Variants in C2CD3 observed in about 807,000 individuals in gnomAD.
C2CD3 encodes the protein C2 domain-containing protein 3.
In C2CD3, 148 loss-of-function variants were observed where a neutral mutation model predicts 234.0. That is an observed-to-expected ratio of 0.63 (90% CI 0.55 to 0.72). The LOEUF is 0.72. Among genes scored for constraint, C2CD3 ranks in the 30% least tolerant of loss-of-function variants. The probability of loss-of-function intolerance (pLI) is 0.00; values close to 1 mark genes in which losing one functional copy is unlikely to be tolerated. For synonymous variants in C2CD3, 1,000 were observed against 1,035.4 expected, an observed-to-expected ratio of 0.97 and a Z score of 0.66; for missense variants, 2,577 against 2,811.5, an observed-to-expected ratio of 0.92 and a Z score of 1.89.
At chr11:74,101,840 C>T (rs1157141391) in intron 14 of C2CD3, among the ~76,000 whole-genome samples, 2 of 151,816 alleles carry the variant, frequency 1.3e-5, no homozygotes, top group Non-Finnish European at 2.9e-5. Flanking sequence ...TGGAGAAGTA[C>T]ATACAGTCAG....
At chr11:74,163,203 CA>C (rs1856586644) in intron 2 of C2CD3, among the ~76,000 whole-genome samples, 1 of 152,260 alleles carries the variant, frequency 6.6e-6, no homozygotes, top group Admixed American at 6.5e-5. Flanking sequence ...CTGCAATATT[CA>C]CAAGCTATTT....
intron 29 of C2CD3, among the ~76,000 whole-genome samples, chr11:74,040,261 C>T (rs1369159370): frequency 6.6e-6 from 1 of 152,152 alleles, no homozygotes; most frequent in African/African-American, 2.4e-5. Flanking sequence ...GGAACAGTTT[C>T]ATCTGGAAAC....
intron 3 of C2CD3, among the ~76,000 whole-genome samples, chr11:74,158,021 A>G (rs1164995351): frequency 6.6e-6 from 1 of 152,254 alleles, no homozygotes; most frequent in African/African-American, 2.4e-5. Context: ...CTCTCATCAT[A>G]CATAAAAATA....
chr11:74,041,907 C>T, intron 29 of C2CD3, 147 bp downstream of exon 29: 1 of 729,812 alleles, frequency 1.4e-6, no homozygotes, highest in Non-Finnish European at 2.2e-6. Flanking sequence ...CTCCAGGGTC[C>T]AACCTGATAC....
intron 26 of C2CD3, among the ~76,000 whole-genome samples, chr11:74,053,922 G>C (rs1953822813): frequency 6.6e-6 from 1 of 151,654 alleles, no homozygotes; most frequent in African/African-American, 2.4e-5. Context: ...TTGAGCCCAG[G>C]AGTTAGAGAT....
chr11:74,097,994 C>A lies in C2CD3; in HGVS notation c.2979+15G>T. ...AATGAAATAATGACTTTTTGTAAACCATAGCGTTTATTACCATAGCAACAG... is the reference window on the plus strand; with the variant it reads ...AATGAAATAATGACTTTTTGTAAACAATAGCGTTTATTACCATAGCAACAG... On this transcript the variant is annotated intron_variant, in intron 16 of 32. Transcript: ENST00000334126. 1 of 1,609,400 alleles carries A rather than the reference C, an allele frequency of 6.2e-7. No individual in the cohort carries two copies. Among genetic ancestry groups the A allele is most frequent in the South Asian group, 1.1e-5 (1 of 90,098 alleles).
chr11:74,043,353 T>C (rs911896060), intron 28 of C2CD3, among the ~76,000 whole-genome samples: 2 of 152,246 alleles, frequency 1.3e-5, no homozygotes, highest in Non-Finnish European at 2.9e-5. Context: ...TAATATTCTG[T>C]TGGATAGATA....
intron 2 of C2CD3, 64 bp from the exon 3 acceptor site, chr11:74,161,620 G>A: frequency 9.0e-7 from 1 of 1,110,292 alleles, no homozygotes; most frequent in Non-Finnish European, 1.3e-6. Flanking sequence ...TTTAAGACGT[G>A]GGTAGAGGGG....
chr11:74,131,388 G>A (rs1369427687), intron 7 of C2CD3, among the ~76,000 whole-genome samples: 1 of 151,478 alleles, frequency 6.6e-6, no homozygotes, highest in Non-Finnish European at 1.5e-5. Flanking sequence ...ATAGATAATG[G>A]TGGATCACAT....
At chr11:74,138,302 C>A (rs111652218) in intron 5 of C2CD3, among the ~76,000 whole-genome samples, 1 of 152,178 alleles carries the variant, frequency 6.6e-6, no homozygotes, top group African/African-American at 2.4e-5. Context: ...GTGTACTGAA[C>A]GTTCTCACTA....
At chr11:74,096,869 G>A (rs1277773284) in intron 16 of C2CD3, among the ~76,000 whole-genome samples, 2 of 152,134 alleles carry the variant, frequency 1.3e-5, no homozygotes, top group East Asian at 3.8e-4. Flanking sequence ...AACTGGCCAG[G>A]TGTGGTGGTT....
At chr11:74,057,711 C>T (rs1341383421) in intron 24 of C2CD3, among the ~76,000 whole-genome samples, 167 bp from the exon 25 acceptor site, 1 of 152,150 alleles carries the variant, frequency 6.6e-6, no homozygotes, top group African/African-American at 2.4e-5. Context: ...TGGCTCAAGC[C>T]TGTAATCCCA....
At chr11:74,129,838 C>T (rs780521911) in intron 7 of C2CD3, 3 of 176,296 alleles carry the variant, frequency 1.7e-5, no homozygotes, top group African/African-American at 5.4e-5. Flanking sequence ...CTCGTGAGGC[C>T]GAGGCTGGCG....
chr11:74,108,521 A>G (rs933634353), intron 12 of C2CD3, among the ~76,000 whole-genome samples: 3 of 152,188 alleles, frequency 2.0e-5, no homozygotes, highest in Non-Finnish European at 4.4e-5. Context: ...ACTCACAACT[A>G]TATTATTTTG....
chr11:74,058,624 C>T (rs1468036336), intron 24 of C2CD3, among the ~76,000 whole-genome samples: 1 of 152,112 alleles, frequency 6.6e-6, no homozygotes, highest in Non-Finnish European at 1.5e-5. Context: ...TATATTGCCT[C>T]TACTATGGGG....
chr11:74,095,708 A>T (rs1183829268), intron 16 of C2CD3, among the ~76,000 whole-genome samples: 2 of 152,198 alleles, frequency 1.3e-5, no homozygotes, highest in Admixed American at 1.3e-4. Context: ...AAAATTCAAC[A>T]TTTGTTCCTG....
At chr11:74,049,716 C>T (rs1953580978) in intron 26 of C2CD3, among the ~76,000 whole-genome samples, 174 bp from the exon 27 acceptor site, 1 of 152,172 alleles carries the variant, frequency 6.6e-6, no homozygotes, top group African/African-American at 2.4e-5. Context: ...CCTGCCTTCC[C>T]TGTTAGGAAT....
At chr11:74,100,446 G>A (rs990851209) in intron 15 of C2CD3, 79 bp downstream of exon 15, 59 of 1,348,880 alleles carry the variant, frequency 4.4e-5, no homozygotes, top group Middle Eastern at 1.9e-4. Context: ...ATTCATGTTT[G>A]CAAATCAAAA....
intron 27 of C2CD3, among the ~76,000 whole-genome samples, chr11:74,048,546 G>A (rs1431163599): frequency 6.6e-6 from 1 of 152,124 alleles, no homozygotes; most frequent in African/African-American, 2.4e-5. Context: ...TACAGACTAT[G>A]CTATCAGATT....
Sources: allele counts gnomAD v4.1 joint callset (sites outside exome capture counted in the v4.1 genomes callset), GRCh38; gene constraint gnomAD v4.1.1; transcripts MANE v1.5; gene names NCBI Gene and HGNC (gene_info 2026-07-23, HGNC 2026-07-21).